The following USP37 variants were observed in gnomAD, a reference collection of about 807,000 sequenced individuals.
USP37 encodes ubiquitin carboxyl-terminal hydrolase 37.
Under a neutral mutation model 124.0 loss-of-function variants are expected in USP37, and 27 were observed. The observed-to-expected ratio is 0.22, with a 90% CI of 0.16 to 0.30. The LOEUF is 0.30. USP37 is among the 10% of genes least tolerant of loss of function. The probability of loss-of-function intolerance (pLI) is 1.00; values close to 1 mark genes in which losing one functional copy is unlikely to be tolerated. For synonymous variants in USP37, 365 were observed against 388.0 expected, an observed-to-expected ratio of 0.94 and a Z score of 0.70; for missense variants, 889 against 1,140.4, an observed-to-expected ratio of 0.78 and a Z score of 3.17.
At chr2:218,523,001 C>T (rs35362395) in intron 10 of USP37, among the ~76,000 whole-genome samples, 6,080 of 151,706 alleles carry the variant, frequency 0.04, 158 homozygotes, top group East Asian at 0.12. Context: ...TGGAGCTGGG[C>T]GCGGTGGCTT....
intron 22 of USP37, 32 bp downstream of exon 22, chr2:218,463,274 T>C: frequency 6.3e-7 from 1 of 1,593,680 alleles, no homozygotes; most frequent in Non-Finnish European, 8.6e-7. Context: ...AATTTTACCA[T>C]TAAAAAAATG....
intron 11 of USP37, among the ~76,000 whole-genome samples, chr2:218,509,367 A>G (rs1282448434): frequency 6.6e-6 from 1 of 152,146 alleles, no homozygotes; most frequent in African/African-American, 2.4e-5. Context: ...TATCTATCTC[A>G]AAGACTTGTT....
At position 218,528,803 on chromosome 2, in the gene USP37, GAAAAAAAAAAAAAAAAAAAA is replaced by G. The variant is rs58650311; in HGVS notation, c.863+1133_863+1152del. 166 of 29,714 alleles carry G rather than the reference GAAAAAAAAAAAAAAAAAAAA, an allele frequency of 5.6e-3. 1 individual carries two copies. The highest frequency in any genetic ancestry group is 6.4e-3 in the East Asian group (18 of 2,810). 1.8% of individuals were successfully genotyped at this position (29,714 alleles called of 1,614,324 possible). On this transcript the variant is annotated intron_variant, in intron 10 of 25. Coordinates refer to ENST00000258399, the MANE Select transcript of USP37 (RefSeq NM_020935.3). ...TTATGTATTTATACCCAATAAATCTGAAAAAAAAAAAAAAAAAAAAAAAAAAAAAAAAAAAAAAGAGCTTA... is the reference window on the plus strand; with the variant it reads ...TTATGTATTTATACCCAATAAATCTGAAAAAAAAAAAAAAAAAAGAGCTTA...
intron 24 of USP37, 105 bp downstream of exon 24, chr2:218,456,984 AAAG>A (rs202077882): frequency 0.035 from 41,734 of 1,181,378 alleles, 958 homozygotes; most frequent in East Asian, 0.11. Context: ...AAAAAAAGAA[AAAG>A]AAAAAGAAAA....
intron 1 of USP37, among the ~76,000 whole-genome samples, chr2:218,563,045 C>G (rs1204864731): frequency 6.6e-6 from 1 of 151,872 alleles, no homozygotes; most frequent in African/African-American, 2.4e-5. Context: ...TGTCTGTAAT[C>G]CCAGCTACTC....
chr2:218,456,496 T>C (rs1283683575), intron 24 of USP37, among the ~76,000 whole-genome samples: 1 of 151,652 alleles, frequency 6.6e-6, no homozygotes, highest in Non-Finnish European at 1.5e-5. Context: ...AAAAAAATAT[T>C]TGTATATACA....
intron 2 of USP37, among the ~76,000 whole-genome samples, chr2:218,561,928 C>A (rs1693334292): frequency 6.6e-6 from 1 of 152,160 alleles, no homozygotes; most frequent in Non-Finnish European, 1.5e-5. Context: ...TTTGCATACA[C>A]AGAGGTCATG....
At chr2:218,525,246 T>A (rs543960150) in intron 10 of USP37, among the ~76,000 whole-genome samples, 57 of 152,312 alleles carry the variant, frequency 3.7e-4, no homozygotes, top group African/African-American at 1.4e-3. Flanking sequence ...TTTGGGAGGC[T>A]GAGGCAGGCG....
In USP37 at chr2:218,504,645, G is replaced by C. The variant is rs2105997436; in HGVS notation, c.1025+5334C>G. Among the ~76,000 whole-genome samples the C allele has an allele frequency of 1.3e-5, 2 of 152,284 alleles. 1 individual carries two copies. Among genetic ancestry groups the C allele is most frequent in the Middle Eastern group, 6.8e-3 (2 of 294 alleles). ...ACAGAGGGTCTTGCTATGTGGCCCA[G>C]GCTGGTCTTGAATTCCTAGCCTCAA... On this transcript the variant is annotated intron_variant, in intron 11 of 25. Transcript: ENST00000258399.
intron 25 of USP37, among the ~76,000 whole-genome samples, chr2:218,455,359 G>C (rs1045174113): frequency 6.6e-6 from 1 of 152,110 alleles, no homozygotes; most frequent in Admixed American, 6.6e-5. Flanking sequence ...TCCATACCTA[G>C]ATACAACTGT....
intron 23 of USP37, among the ~76,000 whole-genome samples, 177 bp downstream of exon 23, chr2:218,459,613 T>C (rs560038339): frequency 2.6e-5 from 4 of 152,328 alleles, no homozygotes; most frequent in South Asian, 4.1e-4. Flanking sequence ...TTTGTTTTTT[T>C]AAATCTTGTA....
intron 9 of USP37, among the ~76,000 whole-genome samples, chr2:218,530,972 G>T (rs1387578525): frequency 6.6e-6 from 1 of 152,010 alleles, no homozygotes; most frequent in Middle Eastern, 3.2e-3. Context: ...TGGTTCATCA[G>T]GTTTAAAAAA....
chr2:218,514,766 T>C (rs1690184001), intron 10 of USP37, among the ~76,000 whole-genome samples: 1 of 152,230 alleles, frequency 6.6e-6, no homozygotes, highest in South Asian at 2.1e-4. Flanking sequence ...CAGTATTTGA[T>C]TAAGGTAATA....
At chr2:218,561,109 G>A (rs1693287865) in intron 2 of USP37, among the ~76,000 whole-genome samples, 1 of 152,144 alleles carries the variant, frequency 6.6e-6, no homozygotes, top group South Asian at 2.1e-4. Flanking sequence ...GCTCAAACTA[G>A]TAATGCTACA....
At chr2:218,463,647 C>T (rs1225975660) in intron 21 of USP37, among the ~76,000 whole-genome samples, 57 of 150,182 alleles carry the variant, frequency 3.8e-4, no homozygotes, top group Non-Finnish European at 7.3e-4. Flanking sequence ...GCCATTCTCC[C>T]GCCTCAGCCT....
chr2:218,562,371 T>C (rs749108040), intron 2 of USP37, among the ~76,000 whole-genome samples: 1 of 152,250 alleles, frequency 6.6e-6, no homozygotes, highest in Non-Finnish European at 1.5e-5. Flanking sequence ...TCTTTAAATA[T>C]GTCCAGAGAT....
At chr2:218,457,392 G>A (rs1689754582) in intron 23 of USP37, among the ~76,000 whole-genome samples, 1 of 152,116 alleles carries the variant, frequency 6.6e-6, no homozygotes, top group Admixed American at 6.5e-5. Context: ...TATTTACTGT[G>A]GCATTATCTG....
intron 3 of USP37, among the ~76,000 whole-genome samples, chr2:218,560,041 G>A (rs1190599828): frequency 6.6e-6 from 1 of 151,968 alleles, no homozygotes; most frequent in Admixed American, 6.6e-5. Context: ...ATAATCGGAT[G>A]TGTAAAACTC....
chr2:218,563,009 C>G (rs2106064487), intron 1 of USP37, among the ~76,000 whole-genome samples, 196 bp from the exon 2 acceptor site: 1 of 151,812 alleles, frequency 6.6e-6, no homozygotes, highest in South Asian at 2.1e-4. Flanking sequence ...ACTAAAAATA[C>G]AAAATTAGCT....
Sources: gnomAD v4.1 joint callset for allele counts (sites outside exome capture counted in the v4.1 genomes callset) on GRCh38, gnomAD v4.1.1 for gene constraint, MANE v1.5 for transcripts, NCBI Gene and HGNC (gene_info 2026-07-23, HGNC 2026-07-21) for gene names.